GRID2: variants seen among roughly 807,000 people sequenced by gnomAD.
The protein encoded by GRID2 is glutamate ionotropic receptor delta type subunit 2.
GRID2 carries 33 observed loss-of-function variants against 114.8 expected under a neutral mutation model. The ratio of observed to expected loss-of-function variants is 0.29; its 90% CI spans 0.22 to 0.38. The LOEUF (loss-of-function observed/expected upper bound fraction) is 0.38. Ranked by LOEUF, GRID2 falls within the 10% of genes least tolerant of loss-of-function variation. GRID2 has a pLI of 1.00. For synonymous variants in GRID2, 505 were observed against 449.9 expected (o/e 1.12, Z -1.55); for missense variants, 1,184 against 1,257.7 (o/e 0.94, Z 0.89).
intron 2 of GRID2, among the ~76,000 whole-genome samples, chr4:92,988,470 T>C (rs182539395): frequency 1.3e-5 from 2 of 152,270 alleles, no homozygotes; most frequent in East Asian, 3.9e-4. Flanking sequence ...TAATCTAATC[T>C]TGGAAGTGGC....
intron 13 of GRID2, among the ~76,000 whole-genome samples, chr4:93,546,530 G>A: frequency 6.6e-6 from 1 of 152,124 alleles, no homozygotes; most frequent in East Asian, 1.9e-4. Flanking sequence ...TGTTAGTATG[G>A]TGTACTAAAA....
At chr4:93,286,117 C>G (rs1753128536) in intron 8 of GRID2, among the ~76,000 whole-genome samples, 1 of 152,030 alleles carries the variant, frequency 6.6e-6, no homozygotes, top group African/African-American at 2.4e-5. Context: ...TAAACTATTT[C>G]AGTAAGTTGT....
At chr4:93,252,982 G>T (rs371189386) in intron 8 of GRID2, among the ~76,000 whole-genome samples, 1 of 151,950 alleles carries the variant, frequency 6.6e-6, no homozygotes, top group East Asian at 1.9e-4. Context: ...GGACGAAGTG[G>T]TTTACGCCTG....
chr4:93,162,230 T>C (rs1272814392), intron 4 of GRID2, among the ~76,000 whole-genome samples: 1 of 151,926 alleles, frequency 6.6e-6, no homozygotes, highest in Non-Finnish European at 1.5e-5. Context: ...TTTATCAGAA[T>C]TGTAATAAGT....
chr4:92,679,039 A>G (rs1336224968), intron 2 of GRID2, among the ~76,000 whole-genome samples: 4 of 151,566 alleles, frequency 2.6e-5, no homozygotes, highest in Non-Finnish European at 5.9e-5. Flanking sequence ...GAAATTAATT[A>G]AATATTAGCA....
rs139528110 is a variant in GRID2, at chr4:93,180,072, C to T, written c.736-27332C>T. 1.5e-3 allele frequency among the ~76,000 whole-genome samples: 232 copies of T among 152,180 alleles called. 1 individual carries two copies. Among genetic ancestry groups the T allele is most frequent in the African/African-American group, 5.4e-3 (223 of 41,542 alleles). On this transcript the variant is annotated intron_variant, in intron 4 of 15. Coordinates refer to ENST00000282020, the MANE Select transcript of GRID2 (RefSeq NM_001510.4). ...ATAAGCAGACCGGAATCATCATTTA[C>T]CCAGTTACTCAGGTTACATACAACC...
intron 2 of GRID2, among the ~76,000 whole-genome samples, chr4:92,641,720 A>G (rs1171729623): frequency 6.6e-6 from 1 of 151,688 alleles, no homozygotes; most frequent in African/African-American, 2.4e-5. Context: ...GGTTTTTTAC[A>G]TGGGTATATT....
At chr4:93,083,181 C>T (rs189087553) in intron 2 of GRID2, among the ~76,000 whole-genome samples, 1 of 152,162 alleles carries the variant, frequency 6.6e-6, no homozygotes, top group Admixed American at 6.5e-5. Context: ...ACCAAAATCT[C>T]TTCTAAAAAG....
chr4:93,343,537 A>G (rs1249494280), intron 8 of GRID2, among the ~76,000 whole-genome samples: 2 of 152,172 alleles, frequency 1.3e-5, no homozygotes, highest in Non-Finnish European at 2.9e-5. Context: ...AATAATCTTT[A>G]GAGTCCTTCA....
intron 9 of GRID2, among the ~76,000 whole-genome samples, chr4:93,409,920 T>C (rs549177459): frequency 6.6e-6 from 1 of 152,232 alleles, no homozygotes; most frequent in Non-Finnish European, 1.5e-5. Context: ...ACAGATTTAT[T>C]ACTTGTCTCT....
intron 11 of GRID2, among the ~76,000 whole-genome samples, chr4:93,475,395 A>G (rs181245788): frequency 6.6e-6 from 1 of 152,254 alleles, no homozygotes; most frequent in East Asian, 1.9e-4. Context: ...TCATAATGTT[A>G]AATGATTCCC....
chr4:92,620,211 G>A (rs773974817), intron 2 of GRID2, among the ~76,000 whole-genome samples: 2 of 151,714 alleles, frequency 1.3e-5, no homozygotes, highest in Non-Finnish European at 2.9e-5. Context: ...ATATCAAAGA[G>A]TGGAATGGTT....
intron 4 of GRID2, among the ~76,000 whole-genome samples, chr4:93,150,307 C>G (rs1736620345): frequency 6.6e-6 from 1 of 152,078 alleles, no homozygotes; most frequent in African/African-American, 2.4e-5. Flanking sequence ...ACACCTTTAA[C>G]CTAACCATTA....
At chr4:93,402,946 C>T (rs973883756) in intron 9 of GRID2, among the ~76,000 whole-genome samples, 5 of 152,090 alleles carry the variant, frequency 3.3e-5, no homozygotes, top group Admixed American at 2.6e-4. Flanking sequence ...GAATTTTCAT[C>T]GCTACCTCAA....
chr4:93,805,398 C>T (rs1372851556), intron 1 of GRID2, among the ~76,000 whole-genome samples: 2 of 152,210 alleles, frequency 1.3e-5, no homozygotes, highest in African/African-American at 4.8e-5. Context: ...TTAGTGTTCA[C>T]AGACCTTACT....
chr4:92,708,377 T>C (rs1486987525), intron 2 of GRID2, among the ~76,000 whole-genome samples: 1 of 152,174 alleles, frequency 6.6e-6, no homozygotes, highest in Non-Finnish European at 1.5e-5. Flanking sequence ...TGCAACTGCT[T>C]CAATTTCTGT....
chr4:93,558,287 T>A (rs893220883), intron 13 of GRID2, among the ~76,000 whole-genome samples: 3 of 151,918 alleles, frequency 2.0e-5, no homozygotes, highest in Non-Finnish European at 4.4e-5. Context: ...CAAAAATCAA[T>A]GAATCCAGGA....
Position 93,792,586 on chromosome 4 carries a change from G to A in GRID2, c.222-14129G>A, listed in dbSNP as rs569241381. On this transcript the variant is annotated intron_variant, in intron 1 of 1. Transcript: ENST00000637838. Reference sequence around the variant, plus strand: ...TTGGCTGACCCAGAACAAAAATCATGCTGGGAACCCTACCACACCCCTTTC... The same window carrying A: ...TTGGCTGACCCAGAACAAAAATCATACTGGGAACCCTACCACACCCCTTTC... 9.9e-5 allele frequency among the ~76,000 whole-genome samples: 15 copies of A among 152,200 alleles called. 1 individual carries two copies. The South Asian group carries it at 2.9e-3, about 29-fold the overall frequency.
intron 2 of GRID2, among the ~76,000 whole-genome samples, chr4:92,923,703 G>A (rs1285057725): frequency 1.3e-5 from 2 of 152,132 alleles, no homozygotes; most frequent in African/African-American, 4.8e-5. Context: ...GAAATAATCT[G>A]TTATTACAGA....
Sources: allele counts gnomAD v4.1 joint callset (sites outside exome capture counted in the v4.1 genomes callset), GRCh38; gene constraint gnomAD v4.1.1; transcripts MANE v1.5; gene names NCBI Gene and HGNC (gene_info 2026-07-23, HGNC 2026-07-21).